MOB4: variants seen among roughly 807,000 people sequenced by gnomAD.
MOB4 encodes the protein MOB-like protein phocein.
In MOB4, 4 loss-of-function variants were observed where a neutral mutation model predicts 32.2. That is an observed-to-expected ratio of 0.12 (90% CI 0.06 to 0.28). MOB4 has a LOEUF of 0.28. Ranked by LOEUF, MOB4 falls within the 10% of genes least tolerant of loss-of-function variation. MOB4 has a pLI of 1.00. For synonymous variants in MOB4, 88 were observed against 88.1 expected (o/e 1.00, Z 0.01); for missense variants, 158 against 271.2 (o/e 0.58, Z 2.93).
chr2:197,520,484 C>T (rs2086496935), intron 1 of MOB4, among the ~76,000 whole-genome samples: 1 of 151,938 alleles, frequency 6.6e-6, no homozygotes, highest in Admixed American at 6.6e-5. Context: ...GCTTTTTTTG[C>T]TCAAGGTTTT....
Position 197,550,698 on chromosome 2 carries a change from A to G in MOB4, c.*52A>G. The stretch of plus-strand genomic sequence containing the variant: ...TCATATAATTAACATTATGTACTGT[A>G]TATATCATTTTAGACACATCAATCA... On this transcript the variant is annotated 3_prime_UTR_variant, in exon 8 of 8. Transcript: ENST00000323303. 1 of 1,513,154 alleles carries G rather than the reference A, an allele frequency of 6.6e-7. No individual in the cohort carries two copies. Among genetic ancestry groups the G allele is most frequent in the Non-Finnish European group, 8.8e-7 (1 of 1,136,542 alleles). The allele number at this position is 1,513,154 out of a possible 1,614,324, so 93.7% of individuals were successfully genotyped here.
chr2:197,539,331 T>G (rs2086857246), intron 3 of MOB4, among the ~76,000 whole-genome samples: 1 of 150,660 alleles, frequency 6.6e-6, no homozygotes, highest in Admixed American at 6.6e-5. Flanking sequence ...TTTTTTTTTT[T>G]TTTTTGAGAT....
At chr2:197,544,048 T>G (rs2086946438) in intron 5 of MOB4, among the ~76,000 whole-genome samples, 1 of 151,696 alleles carries the variant, frequency 6.6e-6, no homozygotes, top group South Asian at 2.1e-4. Flanking sequence ...CCGAGTTTCT[T>G]TCTTTTTTTT....
chr2:197,542,924 G>C (rs759411542), intron 5 of MOB4, among the ~76,000 whole-genome samples: 1 of 152,104 alleles, frequency 6.6e-6, no homozygotes, highest in Non-Finnish European at 1.5e-5. Flanking sequence ...ACAGTGATGT[G>C]GTAACCCATG....
chr2:197,516,032 C>T, upstream of MOB4: 13 of 1,528,046 alleles, frequency 8.5e-6, no homozygotes, highest in African/African-American at 1.4e-5. Flanking sequence ...GCCCCCCGCG[C>T]AGGCTGCCGT....
At chr2:197,547,519 TC>T (rs1221139613) in intron 5 of MOB4, among the ~76,000 whole-genome samples, 1 of 152,224 alleles carries the variant, frequency 6.6e-6, no homozygotes, top group Non-Finnish European at 1.5e-5. Flanking sequence ...GAAAAATACT[TC>T]TTTTTTATTA....
intron 1 of MOB4, among the ~76,000 whole-genome samples, chr2:197,523,025 TTAA>T (rs957065231): frequency 1.8e-4 from 27 of 151,594 alleles, no homozygotes; most frequent in African/African-American, 6.1e-4. Flanking sequence ...AATAATAATA[TTAA>T]TAATAATAAT....
At chr2:197,544,793 A>G (rs1331294868) in intron 5 of MOB4, among the ~76,000 whole-genome samples, 3 of 152,012 alleles carry the variant, frequency 2.0e-5, no homozygotes, top group Non-Finnish European at 2.9e-5. Flanking sequence ...TTTGTGGTGT[A>G]TATATTTTAC....
intron 2 of MOB4, among the ~76,000 whole-genome samples, chr2:197,525,310 T>C (rs2086592386): frequency 6.7e-6 from 1 of 150,030 alleles, no homozygotes; most frequent in Admixed American, 6.6e-5. Flanking sequence ...ATCGTGCCAC[T>C]GCACTCCAGC....
intron 1 of MOB4, among the ~76,000 whole-genome samples, chr2:197,519,982 T>C (rs2086485479): frequency 6.6e-6 from 1 of 152,156 alleles, no homozygotes; most frequent in Non-Finnish European, 1.5e-5. Flanking sequence ...TTCATCCAGA[T>C]AGGCCAGCTA....
intron 3 of MOB4, among the ~76,000 whole-genome samples, chr2:197,536,336 T>C (rs1463214300): frequency 1.3e-5 from 2 of 152,070 alleles, no homozygotes; most frequent in African/African-American, 2.4e-5. Flanking sequence ...CCTGAGTAGC[T>C]GGGACTACTA....
At chr2:197,543,059 A>C (rs1412575335) in intron 5 of MOB4, among the ~76,000 whole-genome samples, 1 of 152,200 alleles carries the variant, frequency 6.6e-6, no homozygotes, top group Non-Finnish European at 1.5e-5. Flanking sequence ...TGGGAGGCCG[A>C]GGCAGGTGGG....
intron 2 of MOB4, among the ~76,000 whole-genome samples, chr2:197,531,545 G>A (rs2086704932): frequency 6.6e-6 from 1 of 151,716 alleles, no homozygotes; most frequent in Non-Finnish European, 1.5e-5. Flanking sequence ...TACAAACTTG[G>A]AAACTTTTCA....
At chr2:197,546,619 T>C (rs1486403988) in intron 5 of MOB4, among the ~76,000 whole-genome samples, 1 of 151,702 alleles carries the variant, frequency 6.6e-6, no homozygotes, top group Non-Finnish European at 1.5e-5. Context: ...AGGCTGGTCT[T>C]GAACTCCTGG....
rs750460272 is a variant in MOB4 at position 197,550,432 on chromosome 2, A to C, written c.546+46A>C. ...ATCTTGATGCATTCTTATCAGTGTAACAGTAATATATATTGATGTTATTTC... is the reference window on the plus strand; with the variant it reads ...ATCTTGATGCATTCTTATCAGTGTACCAGTAATATATATTGATGTTATTTC... On this transcript the variant is annotated intron_variant, in intron 7 of 7. Coordinates refer to ENST00000323303, the MANE Select transcript of MOB4 (RefSeq NM_015387.5). 3.7e-6 allele frequency: 6 copies of C among 1,600,064 alleles called. No individual in the cohort carries two copies. The African/African-American group carries it at 8.1e-5, about 22-fold the overall frequency.
upstream of MOB4, chr2:197,516,000 A>T: frequency 7.3e-7 from 1 of 1,376,636 alleles, no homozygotes; most frequent in Admixed American, 2.2e-5. Flanking sequence ...CTCCTCCCAG[A>T]CGCAGAGCGC....
intron 2 of MOB4, among the ~76,000 whole-genome samples, chr2:197,533,189 C>G (rs972593993): frequency 1.3e-5 from 2 of 152,068 alleles, no homozygotes; most frequent in Admixed American, 6.6e-5. Flanking sequence ...ATACAAATTA[C>G]AAATGTGGCA....
At chr2:197,544,840 A>G (rs1277488757) in intron 5 of MOB4, among the ~76,000 whole-genome samples, 1 of 152,056 alleles carries the variant, frequency 6.6e-6, no homozygotes, top group Non-Finnish European at 1.5e-5. Context: ...AAGCATCAAA[A>G]CCCCAAATGG....
At chr2:197,541,638 G>A (rs561184870) in intron 5 of MOB4, among the ~76,000 whole-genome samples, 4 of 152,218 alleles carry the variant, frequency 2.6e-5, no homozygotes, top group South Asian at 2.1e-4. Flanking sequence ...TGTATCTGTC[G>A]GCCGGGCGCG....
Sources: gnomAD v4.1 joint callset for allele counts (sites outside exome capture counted in the v4.1 genomes callset) on GRCh38, gnomAD v4.1.1 for gene constraint, MANE v1.5 for transcripts, NCBI Gene and HGNC (gene_info 2026-07-23, HGNC 2026-07-21) for gene names.